The following NEGR1 variants were observed in gnomAD, a reference collection of about 807,000 sequenced individuals.
NEGR1 encodes IgLON family member 4.
A neutral mutation model predicts 40.9 loss-of-function variants in NEGR1; 10 were observed. The ratio of observed to expected loss-of-function variants is 0.24; its 90% CI spans 0.15 to 0.42. NEGR1 has a LOEUF of 0.42. NEGR1 is among the 10% of genes least tolerant of loss of function. The probability of loss-of-function intolerance (pLI) is 1.00; values close to 1 mark genes in which losing one functional copy is unlikely to be tolerated. For synonymous variants in NEGR1, 185 were observed against 166.8 expected (o/e 1.11, Z -0.84); for missense variants, 352 against 438.9 (o/e 0.80, Z 1.77).
At chr1:71,690,317 C>G (rs1242003794) in intron 4 of NEGR1, among the ~76,000 whole-genome samples, 1 of 151,864 alleles carries the variant, frequency 6.6e-6, no homozygotes, top group Non-Finnish European at 1.5e-5. Flanking sequence ...GCTTCACGTA[C>G]TGAAGCAAAA....
chr1:71,640,887 T>G (rs1200050685), intron 4 of NEGR1, among the ~76,000 whole-genome samples: 1 of 151,998 alleles, frequency 6.6e-6, no homozygotes, highest in East Asian at 1.9e-4. Context: ...CTAGGAGTTC[T>G]GGACACTGTT....
intron 1 of NEGR1, among the ~76,000 whole-genome samples, chr1:72,111,069 TAC>T (rs1267484618): frequency 3.6e-5 from 4 of 109,792 alleles, no homozygotes; most frequent in African/African-American, 6.3e-5. Flanking sequence ...GATATATACA[TAC>T]ACATATATAT....
chr1:72,259,126 A>G (rs570287628), intron 1 of NEGR1, among the ~76,000 whole-genome samples: 4 of 152,276 alleles, frequency 2.6e-5, no homozygotes, highest in Non-Finnish European at 4.4e-5. Context: ...ATGTTTTATG[A>G]CCTGGTACTA....
intron 2 of NEGR1, among the ~76,000 whole-genome samples, chr1:71,919,754 GT>G (rs1373346932): frequency 6.6e-6 from 1 of 152,144 alleles, no homozygotes; most frequent in African/African-American, 2.4e-5. Flanking sequence ...CTAGGTTCGA[GT>G]TTGAGGAAAG....
chr1:72,280,235 A>T (rs1007755772), intron 1 of NEGR1, among the ~76,000 whole-genome samples: 2 of 152,182 alleles, frequency 1.3e-5, no homozygotes, highest in African/African-American at 4.8e-5. Context: ...TGAGTGAACT[A>T]AACATGGGTC....
In NEGR1 at chr1:71,403,554, A is replaced by T. The variant is rs550780835; in HGVS notation, c.*3892T>A. The T allele has an allele frequency of 1.4e-5, 3 of 214,318 alleles. No homozygotes were observed. The highest frequency in any genetic ancestry group is 5.8e-5 in the Admixed American group (1 of 17,192). 13.3% of individuals were successfully genotyped at this position (214,318 alleles called of 1,614,324 possible). Reference sequence around the variant, plus strand: ...TTAGGAATCAGCAACAGCAAGAAAGAATATAGTGTGGAGTCATTTGAAACT... The same window carrying T: ...TTAGGAATCAGCAACAGCAAGAAAGTATATAGTGTGGAGTCATTTGAAACT... On this transcript the variant is annotated 3_prime_UTR_variant, in exon 7 of 7. Transcript: ENST00000357731.
intron 2 of NEGR1, among the ~76,000 whole-genome samples, chr1:71,919,329 T>A (rs1020583662): frequency 1.3e-5 from 2 of 152,170 alleles, no homozygotes; most frequent in Non-Finnish European, 2.9e-5. Flanking sequence ...GAACAATATT[T>A]GAAGAGGACA....
chr1:72,200,215 C>T (rs1653154474), intron 1 of NEGR1, among the ~76,000 whole-genome samples: 1 of 151,926 alleles, frequency 6.6e-6, no homozygotes, highest in African/African-American at 2.4e-5. Flanking sequence ...AAGTCACATG[C>T]ACTATGTGCA....
intron 1 of NEGR1, among the ~76,000 whole-genome samples, chr1:72,241,507 A>G (rs1230130274): frequency 6.6e-6 from 1 of 151,660 alleles, no homozygotes; most frequent in South Asian, 2.1e-4. Context: ...TGTTAGTACC[A>G]TAAACTAACT....
At chr1:71,523,624 A>G (rs891777342) in intron 6 of NEGR1, among the ~76,000 whole-genome samples, 3 of 151,882 alleles carry the variant, frequency 2.0e-5, no homozygotes, top group Non-Finnish European at 4.4e-5. Flanking sequence ...GGCAGAGTCC[A>G]AGCATCTGGA....
intron 1 of NEGR1, among the ~76,000 whole-genome samples, chr1:72,214,651 A>G (rs1653731493): frequency 6.6e-6 from 1 of 152,128 alleles, no homozygotes; most frequent in East Asian, 1.9e-4. Context: ...AATACAACTT[A>G]CAAGGCACAT....
intron 2 of NEGR1, among the ~76,000 whole-genome samples, chr1:71,843,334 T>C (rs1451762934): frequency 6.6e-6 from 1 of 152,098 alleles, no homozygotes; most frequent in East Asian, 1.9e-4. Context: ...GGCAAGCCAA[T>C]AAAAACAAAG....
rs1430210684 is a variant in NEGR1 at position 71,395,969 on chromosome 1, C to T, written c.*11477G>A. 3 of 152,044 alleles carry T rather than the reference C, an allele frequency of 2.0e-5. No homozygotes were observed. The highest frequency in any genetic ancestry group is 6.5e-5 in the Admixed American group (1 of 15,268). 9.4% of individuals were successfully genotyped at this position (152,044 alleles called of 1,614,324 possible). On this transcript the variant is annotated 3_prime_UTR_variant, in exon 7 of 7. Transcript: ENST00000357731. ...GTAGGATAACAGCCTTTATTCATAT[C>T]ACTAATTGTAATATGTACTAATTGT...
chr1:71,725,389 A>G (rs1408710567), intron 3 of NEGR1, among the ~76,000 whole-genome samples: 2 of 152,026 alleles, frequency 1.3e-5, no homozygotes, highest in African/African-American at 4.8e-5. Flanking sequence ...CATTGCAGAT[A>G]CTCTTGGATT....
chr1:71,733,181 G>A (rs1654944670), intron 3 of NEGR1, among the ~76,000 whole-genome samples: 1 of 151,828 alleles, frequency 6.6e-6, no homozygotes, highest in African/African-American at 2.4e-5. Flanking sequence ...ATTAGAGTGA[G>A]ATTTAAAAGG....
At chr1:71,775,632 C>G (rs1656478368) in intron 3 of NEGR1, among the ~76,000 whole-genome samples, 1 of 151,996 alleles carries the variant, frequency 6.6e-6, no homozygotes, top group African/African-American at 2.4e-5. Flanking sequence ...AGGCGTGAGC[C>G]ACTGCGCCCA....
intron 1 of NEGR1, among the ~76,000 whole-genome samples, chr1:71,958,523 A>G (rs1423358232): frequency 6.6e-6 from 1 of 152,174 alleles, no homozygotes; most frequent in Non-Finnish European, 1.5e-5. Flanking sequence ...TGATTATAAT[A>G]CTGATTTATT....
chr1:71,939,280 C>T (rs1338752820), intron 1 of NEGR1, among the ~76,000 whole-genome samples: 1 of 152,142 alleles, frequency 6.6e-6, no homozygotes, highest in African/African-American at 2.4e-5. Flanking sequence ...CCCACACTCC[C>T]TTTATACATG....
chr1:72,177,920 T>TTGC (rs1652235576), intron 1 of NEGR1, among the ~76,000 whole-genome samples: 1 of 152,032 alleles, frequency 6.6e-6, no homozygotes, highest in Admixed American at 6.6e-5. Flanking sequence ...GACTCAGAGA[T>TTGC]GAAGCACAGC....
Sources: gnomAD v4.1 joint callset for allele counts (sites outside exome capture counted in the v4.1 genomes callset) on GRCh38, gnomAD v4.1.1 for gene constraint, MANE v1.5 for transcripts, NCBI Gene and HGNC (gene_info 2026-07-23, HGNC 2026-07-21) for gene names.